Variants in DPYSL5 observed in about 807,000 individuals in gnomAD.
DPYSL5 encodes dihydropyrimidinase like 5.
DPYSL5 carries 9 observed loss-of-function variants against 58.4 expected under a neutral mutation model. The observed-to-expected ratio is 0.15, with a 90% CI of 0.09 to 0.27. The LOEUF is 0.27. Ranked by LOEUF, DPYSL5 falls within the 10% of genes least tolerant of loss-of-function variation. DPYSL5 has a pLI of 1.00. For synonymous variants in DPYSL5, 293 were observed against 301.9 expected, an observed-to-expected ratio of 0.97 and a Z score of 0.31; for missense variants, 499 against 770.6, an observed-to-expected ratio of 0.65 and a Z score of 4.17.
intron 1 of DPYSL5, among the ~76,000 whole-genome samples, chr2:26,890,079 A>G (rs1418102546): frequency 6.6e-6 from 1 of 152,198 alleles, no homozygotes; most frequent in African/African-American, 2.4e-5. Flanking sequence ...GCTTCCTACC[A>G]TCACCATGCA....
chr2:26,852,988 G>A (rs2148102101), intron 1 of DPYSL5, among the ~76,000 whole-genome samples: 1 of 152,126 alleles, frequency 6.6e-6, no homozygotes, highest in Admixed American at 6.6e-5. Flanking sequence ...TCATCCCAAG[G>A]GGCCATGGCA....
chr2:26,947,277 A>G lies in DPYSL5; in HGVS notation c.*282A>G, dbSNP rs978603716. 39 of 371,296 alleles carry G rather than the reference A, an allele frequency of 1.1e-4. 1 individual carries two copies. Among genetic ancestry groups the G allele is most frequent in the South Asian group, 4.3e-4 (12 of 27,716 alleles). The allele number at this position is 371,296 out of a possible 1,614,324, so 23.0% of individuals were successfully genotyped here. A position where few individuals can be genotyped will look rare whatever the true frequency, so the allele number is the denominator to read the frequency against. On this transcript the variant is annotated 3_prime_UTR_variant, in exon 13 of 13. Coordinates refer to ENST00000288699, the MANE Select transcript of DPYSL5 (RefSeq NM_020134.4). The surrounding 1 kb of genome is among the most constrained non-coding windows in gnomAD (Gnocchi z 4.2). ...AAGCCCACACTATGCACAGAGCCCA[A>G]TGCATAGAGCCCTGGCCAGCCCTTC... is the stretch of plus-strand genomic sequence containing the variant.
chr2:26,890,338 C>T (rs989307117), intron 1 of DPYSL5, among the ~76,000 whole-genome samples: 1 of 152,182 alleles, frequency 6.6e-6, no homozygotes, highest in Non-Finnish European at 1.5e-5. Context: ...CTTTAGTGCA[C>T]ACAAATGTCC....
chr2:26,916,437 T>C (rs4665924), intron 2 of DPYSL5, among the ~76,000 whole-genome samples: 46,545 of 151,964 alleles, frequency 0.31, 8,430 homozygotes, highest in Admixed American at 0.5. Context: ...CTGACTCCTC[T>C]CTGCAAATGT....
intron 1 of DPYSL5, among the ~76,000 whole-genome samples, chr2:26,859,280 C>T (rs1031199297): frequency 6.6e-6 from 1 of 151,594 alleles, no homozygotes; most frequent in Non-Finnish European, 1.5e-5. Context: ...AATCCTCATT[C>T]GTATCTTTGT....
chr2:26,923,897 T>C (rs1664763861), intron 2 of DPYSL5, among the ~76,000 whole-genome samples: 1 of 152,164 alleles, frequency 6.6e-6, no homozygotes, highest in Non-Finnish European at 1.5e-5. Context: ...TGACCTCAAG[T>C]GATCCACCCA....
chr2:26,867,224 G>A (rs1310904055), intron 1 of DPYSL5, among the ~76,000 whole-genome samples: 1 of 152,068 alleles, frequency 6.6e-6, no homozygotes, highest in Non-Finnish European at 1.5e-5. Flanking sequence ...CCGATTTAAC[G>A]TTATGTCTGT....
chr2:26,937,127 A>G (rs1317045616), intron 8 of DPYSL5, among the ~76,000 whole-genome samples: 1 of 152,072 alleles, frequency 6.6e-6, no homozygotes, highest in Admixed American at 6.5e-5. Flanking sequence ...AAAAAAGATA[A>G]TAAGTGCTTC....
intron 2 of DPYSL5, among the ~76,000 whole-genome samples, chr2:26,904,660 T>G (rs1664244544): frequency 6.6e-6 from 1 of 152,166 alleles, no homozygotes; most frequent in Admixed American, 6.5e-5. Flanking sequence ...CCCAGCACTT[T>G]GGGAGGCCAA....
rs1301857418 is a variant in DPYSL5 at position 26,849,051 on chromosome 2, T to G, written c.-5+797T>G. Among the ~76,000 whole-genome samples, 1 of 132,570 alleles carries G rather than the reference T, an allele frequency of 7.5e-6. No homozygotes were observed. The highest frequency in any genetic ancestry group is 1.7e-5 in the Non-Finnish European group (1 of 60,562). The allele number at this position is 132,570 out of a possible 152,430, so 87.0% of individuals were successfully genotyped here. A position where few individuals can be genotyped will look rare whatever the true frequency, so the allele number is the denominator to read the frequency against. On this transcript the variant is annotated intron_variant, in intron 1 of 12. Coordinates refer to ENST00000288699, the MANE Select transcript of DPYSL5 (RefSeq NM_020134.4). This position sits in a 1 kb window ranked among gnomAD's most constrained non-coding sequence, Gnocchi z 6.2. ...AGGGGAGGCCTCGGTTGAGAAAAGA[T>G]GGGGATGGGGAAGGCTGGGGAGCTG...
chr2:26,930,648 C>A (rs1216116241), intron 5 of DPYSL5, among the ~76,000 whole-genome samples: 1 of 151,904 alleles, frequency 6.6e-6, no homozygotes, highest in Non-Finnish European at 1.5e-5. Context: ...TAAAGGGAGA[C>A]CCCCTCCATC....
chr2:26,887,189 G>T (rs1206486635), intron 1 of DPYSL5, among the ~76,000 whole-genome samples: 2 of 152,244 alleles, frequency 1.3e-5, no homozygotes, highest in African/African-American at 2.4e-5. Context: ...TTTTTCTGTG[G>T]ATTCTATCAA....
chr2:26,887,353 C>A (rs938392123), intron 1 of DPYSL5, among the ~76,000 whole-genome samples: 2 of 152,184 alleles, frequency 1.3e-5, no homozygotes, highest in African/African-American at 4.8e-5. Context: ...CTCCAGAGGC[C>A]CCCAGCATCC....
Position 26,933,389 on chromosome 2 carries a change from A to G in DPYSL5, c.790+56A>G. 6.5e-7 allele frequency: 1 copy of G among 1,535,280 alleles called. No homozygotes were observed. Among genetic ancestry groups the G allele is most frequent in the Non-Finnish European group, 9.0e-7 (1 of 1,111,632 alleles). On this transcript the variant is annotated intron_variant, in intron 7 of 12. Transcript: ENST00000288699. This position sits in a 1 kb window ranked among gnomAD's most constrained non-coding sequence, Gnocchi z 4.2. Reference sequence around the variant, plus strand: ...GGTCAAGTGGAGGGACTGGAGATGGATGGGGCCCATTAGCCGTGCTCACTC... The same window carrying G: ...GGTCAAGTGGAGGGACTGGAGATGGGTGGGGCCCATTAGCCGTGCTCACTC...
Position 26,931,197 on chromosome 2 carries a change from G to A in DPYSL5, c.670-443G>A, listed in dbSNP as rs1452522416. Reference sequence around the variant, plus strand: ...TGTGTGTGTGTGTGTGTGTGTGTGTGTGTGTGTATATATATATATATATAT... The same window carrying A: ...TGTGTGTGTGTGTGTGTGTGTGTGTATGTGTGTATATATATATATATATAT... On this transcript the variant is annotated intron_variant, in intron 5 of 12. Coordinates refer to ENST00000288699, the MANE Select transcript of DPYSL5 (RefSeq NM_020134.4). Among the ~76,000 whole-genome samples, 33 of 52,494 alleles carry A rather than the reference G, an allele frequency of 6.3e-4. No individual in the cohort carries two copies. In the South Asian group the frequency reaches 0.018, roughly 28 times the overall value. The allele number at this position is 52,494 out of a possible 152,430, so 34.4% of individuals were successfully genotyped here.
At chr2:26,884,415 C>A (rs923582435) in intron 1 of DPYSL5, among the ~76,000 whole-genome samples, 1 of 152,076 alleles carries the variant, frequency 6.6e-6, no homozygotes, top group South Asian at 2.1e-4. Flanking sequence ...CCAACACTTA[C>A]AAGGAGCCAG....
intron 2 of DPYSL5, among the ~76,000 whole-genome samples, chr2:26,917,695 G>A (rs1664601898): frequency 6.6e-6 from 1 of 152,196 alleles, no homozygotes. Flanking sequence ...TGTAAGGCCT[G>A]ATCCCCCTAC....
intron 5 of DPYSL5, among the ~76,000 whole-genome samples, chr2:26,930,509 G>A (rs776281924): frequency 4.1e-4 from 63 of 152,246 alleles, no homozygotes; most frequent in Non-Finnish European, 8.1e-4. Flanking sequence ...CCCACAATGC[G>A]CAGACACCCC....
In DPYSL5 at chr2:26,944,856, G is replaced by A. The variant is rs1665427110; in HGVS notation, c.1609+32G>A. The A allele has an allele frequency of 6.2e-7, 1 of 1,608,280 alleles. No homozygotes were observed. The highest frequency in any genetic ancestry group is 8.5e-7 in the Non-Finnish European group (1 of 1,176,866). On this transcript the variant is annotated intron_variant, in intron 12 of 12. Transcript: ENST00000288699. This position sits in a 1 kb window ranked among gnomAD's most constrained non-coding sequence, Gnocchi z 4.4. Reference sequence around the variant, plus strand: ...GTCAGGGGGCCACGGGAGGAGGATGGGGGTCTGGGAGAAGTGGCCCACCTA... The same window carrying A: ...GTCAGGGGGCCACGGGAGGAGGATGAGGGTCTGGGAGAAGTGGCCCACCTA...
Sources: allele counts gnomAD v4.1 joint callset (sites outside exome capture counted in the v4.1 genomes callset), GRCh38; gene constraint gnomAD v4.1.1; non-coding constraint Gnocchi (gnomAD v3.1); transcripts MANE v1.5; gene names NCBI Gene and HGNC (gene_info 2026-07-23, HGNC 2026-07-21).